Variants in ZNF688 observed in about 807,000 individuals in gnomAD.
ZNF688 encodes the protein zinc finger protein 688.
In ZNF688, 10 loss-of-function variants were observed where a neutral mutation model predicts 13.2. The ratio of observed to expected loss-of-function variants is 0.76; its 90% CI spans 0.47 to 1.28. The LOEUF (loss-of-function observed/expected upper bound fraction) is 1.28. Ranked by LOEUF, ZNF688 falls within the 50% of genes most tolerant of loss-of-function variation. The pLI, the probability that ZNF688 is intolerant of heterozygous loss-of-function variation, is 0.00. For synonymous variants in ZNF688, 160 were observed against 159.4 expected (o/e 1.00, Z -0.03); for missense variants, 381 against 391.4 (o/e 0.97, Z 0.22).
chr16:30,575,661 C>CT (rs752083074), upstream of ZNF688, among the ~76,000 whole-genome samples: 1,054 of 141,460 alleles, frequency 7.5e-3, 6 homozygotes, highest in Non-Finnish European at 9.6e-3. Flanking sequence ...CTTTTTTTTT[C>CT]TTTTTTTTTT....
chr16:30,572,398 C>T, upstream of ZNF688: 1 of 1,149,700 alleles, frequency 8.7e-7, no homozygotes, highest in Non-Finnish European at 1.1e-6. Context: ...TGTGTACACC[C>T]GCGGTAGAAG....
upstream of ZNF688, among the ~76,000 whole-genome samples, chr16:30,575,621 C>T (rs913335339): frequency 2.0e-5 from 3 of 151,908 alleles, no homozygotes. Context: ...AACTTACGTT[C>T]CCACCAACAG....
chr16:30,570,311 C>T lies in ZNF688; in HGVS notation c.436G>A (p.Val146Met), dbSNP rs1481058578. The T allele has an allele frequency of 6.2e-7, 1 of 1,614,086 alleles. No individual in the cohort carries two copies. Among genetic ancestry groups the T allele is most frequent in the Admixed American group, 1.7e-5 (1 of 60,014 alleles). The change falls in exon 3 of 3, where the codon GTG becomes ATG. Residue 146 changes from valine (V) to methionine (M), a missense_variant. Transcript: ENST00000223459. ...GGTGGCTGTGCCCGTGCCGGGGCCA[C>T]GCTAATAGCTGGGTCAGGGTTGCGT... ...VERNPDPAIS[V>M]APARAQPPKN...
chr16:30,579,195 T>C, the ZNF688 span: 1 of 152,528 alleles, frequency 6.6e-6, no homozygotes, highest in Non-Finnish European at 1.5e-5. Context: ...ATAAAATGGA[T>C]AAATGAATGG....
chr16:30,570,506 T>G, intron 2 of ZNF688, 70 bp from the exon 3 acceptor site: 1 of 1,529,734 alleles, frequency 6.5e-7, no homozygotes, highest in South Asian at 1.3e-5. Context: ...TAGAATGCTT[T>G]TCACTTAAGG....
upstream of ZNF688, chr16:30,574,027 G>A (rs2051723418): frequency 5.4e-6 from 1 of 185,484 alleles, no homozygotes; most frequent in Admixed American, 6.2e-5. Flanking sequence ...TGGGCAGATT[G>A]CTTTAGGCCA....
At chr16:30,576,035 C>T (rs1033951391), upstream of ZNF688, among the ~76,000 whole-genome samples, 1 of 152,146 alleles carries the variant, frequency 6.6e-6, no homozygotes, top group Admixed American at 6.5e-5. Flanking sequence ...AACTAAGGTA[C>T]GATAATATCT....
chr16:30,572,656 C>T (rs564981537), upstream of ZNF688: 2 of 165,256 alleles, frequency 1.2e-5, 1 homozygote, highest in South Asian at 3.6e-4. Context: ...ACTGCAGACT[C>T]GACCTCCCGG....
In ZNF688 at chr16:30,571,382, C is replaced by T. The variant is rs1458454418; in HGVS notation, c.196+52G>A. On this transcript the variant is annotated intron_variant, in intron 1 of 2. Transcript: ENST00000223459. ...AGTCCTCTCGGCCCTTCTACATCATCTCCCCTGTGAACCCGGTGAAGGAGG... is the reference window on the plus strand; with the variant it reads ...AGTCCTCTCGGCCCTTCTACATCATTTCCCCTGTGAACCCGGTGAAGGAGG... The T allele has an allele frequency of 5.2e-6, 8 of 1,541,266 alleles. No individual in the cohort carries two copies. In the East Asian group the frequency reaches 1.7e-4, roughly 33 times the overall value.
In ZNF688 at chr16:30,570,413, C is replaced by G; in HGVS notation, c.334G>C (p.Glu112Gln). 6.2e-7 allele frequency: 1 copy of G among 1,612,822 alleles called. No homozygotes were observed. The highest frequency in any genetic ancestry group is 8.5e-7 in the Non-Finnish European group (1 of 1,179,720). ...GCTCTTGGGACTTCCTCCGGTTCCT[C>G]TTCCTTCCTGTTTGGGACATCTCCT... The part of the protein sequence containing the change: ...RRGDVPNRKE[E>Q]EPEEVPRAKG... The change falls in exon 3 of 3, where the codon GAG becomes CAG. Residue 112 changes from glutamate (E) to glutamine (Q), a missense_variant. Coordinates refer to ENST00000223459, the MANE Select transcript of ZNF688 (RefSeq NM_145271.4).
chr16:30,571,873 G>A (rs960702346), upstream of ZNF688: 2 of 1,281,054 alleles, frequency 1.6e-6, no homozygotes, highest in African/African-American at 1.5e-5. Flanking sequence ...CCCGGGTTAA[G>A]GGACCCGGAA....
chr16:30,576,556 T>C (rs191636755), upstream of ZNF688, among the ~76,000 whole-genome samples: 11 of 152,238 alleles, frequency 7.2e-5, no homozygotes, highest in Non-Finnish European at 1.6e-4. Context: ...TTTCACCATG[T>C]TGGGAAGGCT....
At chr16:30,574,117 C>G (rs1002248114), upstream of ZNF688, among the ~76,000 whole-genome samples, 4 of 152,012 alleles carry the variant, frequency 2.6e-5, no homozygotes, top group Admixed American at 1.3e-4. Context: ...TCTGGTGGTG[C>G]ACACCTGTAG....
chr16:30,579,831 A>T, the ZNF688 span: 1 of 455,872 alleles, frequency 2.2e-6, no homozygotes, highest in African/African-American at 2.0e-5. Context: ...TCCTCTTCAA[A>T]AGTAGGGCTA....
chr16:30,575,240 T>C (rs375547905), upstream of ZNF688, among the ~76,000 whole-genome samples: 16 of 140,432 alleles, frequency 1.1e-4, no homozygotes, highest in African/African-American at 4.4e-4. Flanking sequence ...CTGGATCACA[T>C]GGTAGTTCTT....
chr16:30,575,326 A>G (rs1010008511), upstream of ZNF688, among the ~76,000 whole-genome samples: 5 of 149,660 alleles, frequency 3.3e-5, no homozygotes, highest in Non-Finnish European at 7.4e-5. Flanking sequence ...GGCTCATTGC[A>G]GCCTCTGCCT....
upstream of ZNF688, chr16:30,571,748 C>A: frequency 7.5e-7 from 1 of 1,336,576 alleles, no homozygotes; most frequent in Non-Finnish European, 9.5e-7. Context: ...GGCGTCCGAA[C>A]GCAGCCGAGG....
upstream of ZNF688, among the ~76,000 whole-genome samples, chr16:30,577,419 C>T (rs1466644512): frequency 1.4e-5 from 2 of 147,006 alleles, no homozygotes; most frequent in Non-Finnish European, 3.0e-5. Flanking sequence ...CTCGCTCTGT[C>T]GCCAGGCTGG....
At chr16:30,578,574 A>C in the ZNF688 span, 3 of 152,378 alleles carry the variant, frequency 2.0e-5, no homozygotes, top group Middle Eastern at 0.01. Flanking sequence ...CCCAGGCTGG[A>C]GTGCAATGGC....
Sources: allele counts gnomAD v4.1 joint callset (sites outside exome capture counted in the v4.1 genomes callset), GRCh38; gene constraint gnomAD v4.1.1; transcripts MANE v1.5; gene names NCBI Gene and HGNC (gene_info 2026-07-23, HGNC 2026-07-21).